TRIM2: variants seen among roughly 807,000 people sequenced by gnomAD.
TRIM2 encodes the protein tripartite motif-containing protein 2.
In TRIM2, 20 loss-of-function variants were observed where a neutral mutation model predicts 75.2. The observed-to-expected ratio is 0.27, with a 90% CI of 0.19 to 0.39. The LOEUF (loss-of-function observed/expected upper bound fraction) is 0.39, where lower values mean the gene tolerates loss of function less well. TRIM2 is among the 10% of genes least tolerant of loss of function. The pLI is 1.00. For synonymous variants in TRIM2, 373 were observed against 388.3 expected (o/e 0.96, Z 0.46); for missense variants, 660 against 990.8 (o/e 0.67, Z 4.48).
At chr4:153,312,821 C>T (rs1766661273) in intron 6 of TRIM2, among the ~76,000 whole-genome samples, 1 of 152,132 alleles carries the variant, frequency 6.6e-6, no homozygotes, top group South Asian at 2.1e-4. Flanking sequence ...CCTGGCTTGT[C>T]CATACCACCT....
intron 6 of TRIM2, among the ~76,000 whole-genome samples, chr4:153,312,274 A>G (rs7692213): frequency 0.24 from 35,731 of 151,730 alleles, 4,992 homozygotes; most frequent in South Asian, 0.37. Context: ...ATAGTATTCC[A>G]TGGTGTATAT....
chr4:153,308,579 T>TA (rs1765533319), intron 6 of TRIM2: 1 of 683,924 alleles, frequency 1.5e-6, no homozygotes, highest in South Asian at 1.4e-5. Flanking sequence ...TTGCTGTGGT[T>TA]AGTCAAAATG....
intron 1 of TRIM2, among the ~76,000 whole-genome samples, chr4:153,265,350 TA>T (rs1462521291): frequency 9.2e-5 from 14 of 151,544 alleles, no homozygotes; most frequent in African/African-American, 1.7e-4. Context: ...TTTTTTTTGT[TA>T]TTTTTTTTTT....
chr4:153,221,842 A>AGG, intron 1 of TRIM2, among the ~76,000 whole-genome samples: 1 of 97,618 alleles, frequency 1.0e-5, no homozygotes, highest in African/African-American at 4.2e-5. Flanking sequence ...GAAGGAAGGA[A>AGG]AGCGCGAGGA....
intron 1 of TRIM2, among the ~76,000 whole-genome samples, chr4:153,259,727 T>C (rs917898740): frequency 3.3e-5 from 5 of 152,226 alleles, no homozygotes; most frequent in Non-Finnish European, 7.3e-5. Context: ...TAGAATTTGC[T>C]CCATTATAGG....
At chr4:153,308,071 A>T (rs1765421211) in intron 6 of TRIM2, 1 of 804,218 alleles carries the variant, frequency 1.2e-6, no homozygotes. Context: ...TAGCTCTTGT[A>T]CCTATCAAAT....
chr4:153,204,625 A>G, intron 1 of TRIM2, 65 bp downstream of exon 1: 35 of 1,545,690 alleles, frequency 2.3e-5, no homozygotes, highest in Non-Finnish European at 3.1e-5. Context: ...CGGGGCTGGG[A>G]GAAACAAGTT....
Position 153,316,151 on chromosome 4 carries a change from G to A in TRIM2, c.1782+152G>A, listed in dbSNP as rs1181137119. The A allele has an allele frequency of 8.0e-6, 6 of 753,190 alleles. No individual in the cohort carries two copies. In the East Asian group the frequency reaches 1.5e-4, roughly 19 times the overall value. The allele number at this position is 753,190 out of a possible 1,614,324, so 46.7% of individuals were successfully genotyped here. A position where few individuals can be genotyped will look rare whatever the true frequency, so the allele number is the denominator to read the frequency against. ...TGACATCTAAGTTTGTGAAGTGAGA[G>A]TAACAGTGATAATTTCATAAATCTA... On this transcript the variant is annotated intron_variant, in intron 8 of 11. Transcript: ENST00000338700.
At chr4:153,165,036 T>C (rs1402291132) in intron 1 of TRIM2, among the ~76,000 whole-genome samples, 2 of 152,234 alleles carry the variant, frequency 1.3e-5, no homozygotes, top group Admixed American at 6.5e-5. Flanking sequence ...TTAAAGTTTT[T>C]TGTTTAATTC....
intron 2 of TRIM2, among the ~76,000 whole-genome samples, chr4:153,272,509 C>A (rs550053303): frequency 1.3e-5 from 2 of 150,022 alleles, no homozygotes; most frequent in Non-Finnish European, 3.0e-5. Flanking sequence ...TATTTTGAGA[C>A]AGGATCTCAC....
intron 10 of TRIM2, among the ~76,000 whole-genome samples, chr4:153,326,779 G>A (rs576506782): frequency 2.0e-5 from 3 of 152,278 alleles, no homozygotes; most frequent in East Asian, 1.9e-4. Context: ...TCAGGAGTTC[G>A]AGACCCGCCT....
At chr4:153,294,572 C>A in intron 5 of TRIM2, 87 bp downstream of exon 5, 2 of 1,337,690 alleles carry the variant, frequency 1.5e-6, no homozygotes, top group Non-Finnish European at 2.1e-6. Flanking sequence ...AACAAGGGGT[C>A]CTTAAGTGTC....
intron 11 of TRIM2, among the ~76,000 whole-genome samples, chr4:153,333,566 T>C (rs1455893952): frequency 2.0e-5 from 3 of 152,190 alleles, no homozygotes; most frequent in Non-Finnish European, 4.4e-5. Context: ...TATGAATCTA[T>C]AATTATTTCA....
chr4:153,235,287 A>C (rs985342494), intron 1 of TRIM2, among the ~76,000 whole-genome samples: 1 of 141,318 alleles, frequency 7.1e-6, no homozygotes, highest in South Asian at 2.1e-4. Context: ...GAGTTAAGAT[A>C]ATTTTTTTTT....
chr4:153,272,646 C>A (rs1275484842), intron 2 of TRIM2, among the ~76,000 whole-genome samples: 1 of 151,652 alleles, frequency 6.6e-6, no homozygotes, highest in African/African-American at 2.4e-5. Flanking sequence ...ACCACCATGC[C>A]TGACTATAGA....
Position 153,256,907 on chromosome 4 carries a change from C to CTGTTTGTTTGTTTGTT in TRIM2, c.31-13422_31-13407dup, listed in dbSNP as rs139703340. Among the ~76,000 whole-genome samples the CTGTTTGTTTGTTTGTT allele has an allele frequency of 3.7e-3, 557 of 151,840 alleles. 1 individual carries two copies. The highest frequency in any genetic ancestry group is 9.9e-3 in the African/African-American group (409 of 41,340). Reference sequence around the variant, plus strand: ...AGTAGTAGGGGCTTGTGGAACTGGACTGTTTGTTTGTTTGTTTGTTTTTTG... The same window carrying CTGTTTGTTTGTTTGTT: ...AGTAGTAGGGGCTTGTGGAACTGGACTGTTTGTTTGTTTGTTTGTTTGTTTGTTTGTTTGTTTTTTG... On this transcript the variant is annotated intron_variant, in intron 1 of 11. Transcript: ENST00000338700.
In TRIM2 at chr4:153,295,223, TAG is replaced by T; in HGVS notation, c.787-87_787-86del. On this transcript the variant is annotated intron_variant, in intron 5 of 11. Transcript: ENST00000338700. The surrounding 1 kb of genome is among the most constrained non-coding windows in gnomAD (Gnocchi z 7.2). ...TCAGAGCCACCTGCGTGGGCAGGTG[TAG>T]AGTCTCCTTCTCGCCGGTGGAGGGC... is the stretch of plus-strand genomic sequence containing the variant. 1 of 1,447,816 alleles carries T rather than the reference TAG, an allele frequency of 6.9e-7. No individual in the cohort carries two copies. The highest frequency in any genetic ancestry group is 2.6e-4 in the Middle Eastern group (1 of 3,892). 89.7% of individuals were successfully genotyped at this position (1,447,816 alleles called of 1,614,324 possible).
chr4:153,273,461 T>G, intron 2 of TRIM2, among the ~76,000 whole-genome samples: 1 of 138,772 alleles, frequency 7.2e-6, no homozygotes, highest in Non-Finnish European at 1.5e-5. Context: ...TTTTTTTTTT[T>G]TTTTTGTATT....
chr4:153,336,654 TA>T lies in TRIM2; in HGVS notation c.*1690del. 1.0e-6 allele frequency: 1 copy of T among 985,618 alleles called. No individual in the cohort carries two copies. The highest frequency in any genetic ancestry group is 1.2e-6 in the Non-Finnish European group (1 of 829,728). 61.1% of individuals were successfully genotyped at this position (985,618 alleles called of 1,614,324 possible). A position where few individuals can be genotyped will look rare whatever the true frequency, so the allele number is the denominator to read the frequency against. ...TATAAGAAAACATTTCCCCTATGTATAATTATATGAATGTGATGTTTATTGC... is the reference window on the plus strand; with the variant it reads ...TATAAGAAAACATTTCCCCTATGTATATTATATGAATGTGATGTTTATTGC... On this transcript the variant is annotated 3_prime_UTR_variant, in exon 12 of 12. Coordinates refer to ENST00000338700, the MANE Select transcript of TRIM2 (RefSeq NM_015271.5).
Sources: gnomAD v4.1 joint callset for allele counts (sites outside exome capture counted in the v4.1 genomes callset) on GRCh38, gnomAD v4.1.1 for gene constraint, Gnocchi (gnomAD v3.1) non-coding constraint, MANE v1.5 for transcripts, NCBI Gene and HGNC (gene_info 2026-07-23, HGNC 2026-07-21) for gene names.